Variants in SMOC1 observed in about 807,000 individuals in gnomAD.
SMOC1 encodes SPARC-related modular calcium-binding protein 1.
In SMOC1, 22 loss-of-function variants were observed where a neutral mutation model predicts 56.3. The ratio of observed to expected loss-of-function variants is 0.39; its 90% CI spans 0.28 to 0.56. SMOC1 has a LOEUF of 0.56. Among genes scored for constraint, SMOC1 ranks in the 20% least tolerant of loss-of-function variants. The pLI is 0.61. For missense variants in SMOC1, 509 were observed against 565.4 expected, an observed-to-expected ratio of 0.90 and a Z score of 1.01; for synonymous variants, 193 against 215.0, an observed-to-expected ratio of 0.90 and a Z score of 0.89.
Position 70,030,409 on chromosome 14 carries a change from G to A in SMOC1, c.*151G>A, listed in dbSNP as rs995508330. 22 of 953,786 alleles carry A rather than the reference G, an allele frequency of 2.3e-5. No individual in the cohort carries two copies. Among genetic ancestry groups the A allele is most frequent in the South Asian group, 6.7e-5 (4 of 59,424 alleles). 59.1% of individuals were successfully genotyped at this position (953,786 alleles called of 1,614,324 possible). On this transcript the variant is annotated 3_prime_UTR_variant, in exon 12 of 12. Transcript: ENST00000361956. ...TGCACTTTTAATAACTCTTACTTGC[G>A]TGTTTTGTTTTTGGTTTCATTTTAA...
chr14:69,933,000 G>A (rs1427532587), intron 1 of SMOC1, among the ~76,000 whole-genome samples: 4 of 152,052 alleles, frequency 2.6e-5, no homozygotes, highest in African/African-American at 9.7e-5. Flanking sequence ...ATCCTCAGAG[G>A]CCAGACCACT....
At chr14:70,028,483 G>A (rs891761392) in intron 11 of SMOC1, among the ~76,000 whole-genome samples, 9 of 152,148 alleles carry the variant, frequency 5.9e-5, no homozygotes, top group East Asian at 3.9e-4. Context: ...ATCCTAAGAT[G>A]GAGATAATTT....
chr14:69,956,017 A>G (rs1883171371), intron 3 of SMOC1, among the ~76,000 whole-genome samples: 2 of 152,122 alleles, frequency 1.3e-5, no homozygotes, highest in Non-Finnish European at 2.9e-5. Context: ...AGTGTTGGCT[A>G]CCTCGTGACA....
At chr14:69,908,442 C>T (rs1035656390) in intron 1 of SMOC1, among the ~76,000 whole-genome samples, 9 of 152,104 alleles carry the variant, frequency 5.9e-5, no homozygotes, top group Non-Finnish European at 8.8e-5. Context: ...GTGGCCCTTT[C>T]CTGATGTTTC....
In SMOC1 at chr14:69,941,647, A is replaced by G. The variant is rs568632140; in HGVS notation, c.100-10491A>G. Among the ~76,000 whole-genome samples the G allele has an allele frequency of 5.3e-5, 8 of 152,342 alleles. 1 individual carries two copies. The East Asian group carries it at 7.7e-4, about 15-fold the overall frequency. ...CTTCATTGGCTTTCAGTTTTTTAAC[A>G]AAACAAAACACCAAAGACAGCTGGG... On this transcript the variant is annotated intron_variant, in intron 1 of 11. Transcript: ENST00000361956.
At chr14:69,979,229 G>A (rs186697275) in intron 5 of SMOC1, among the ~76,000 whole-genome samples, 7 of 152,098 alleles carry the variant, frequency 4.6e-5, no homozygotes, top group East Asian at 1.9e-4. Flanking sequence ...AAGAAGAGGC[G>A]AAGTCACCCA....
At chr14:69,920,482 GTT>G (rs759054543) in intron 1 of SMOC1, among the ~76,000 whole-genome samples, 3 of 152,156 alleles carry the variant, frequency 2.0e-5, no homozygotes, top group Admixed American at 6.5e-5. Flanking sequence ...ATCTCAACAG[GTT>G]CCTGTCATAT....
In SMOC1 at chr14:70,030,288, G is replaced by A; in HGVS notation, c.*30G>A. 1.2e-6 allele frequency: 2 copies of A among 1,613,006 alleles called. No individual in the cohort carries two copies. The highest frequency in any genetic ancestry group is 1.7e-6 in the Non-Finnish European group (2 of 1,179,836). On this transcript the variant is annotated 3_prime_UTR_variant, in exon 12 of 12. Coordinates refer to ENST00000361956, the MANE Select transcript of SMOC1 (RefSeq NM_001034852.3). ...CAGAAAACCCAAGGGCAGGTGGAGA[G>A]TCCAGGGAGGCAGGATGGATCACCA...
intron 1 of SMOC1, among the ~76,000 whole-genome samples, chr14:69,946,631 C>T (rs1029002746): frequency 8.5e-5 from 13 of 152,204 alleles, no homozygotes; most frequent in Admixed American, 7.9e-4. Context: ...TGCCCAATCC[C>T]CCAAATTTCC....
At chr14:69,890,052 T>A (rs1042815291) in intron 1 of SMOC1, among the ~76,000 whole-genome samples, 1 of 152,220 alleles carries the variant, frequency 6.6e-6, no homozygotes, top group Admixed American at 6.5e-5. Flanking sequence ...CACATGGACA[T>A]CTTTGTGGGG....
intron 1 of SMOC1, among the ~76,000 whole-genome samples, chr14:69,911,889 A>T (rs1884564669): frequency 6.6e-6 from 1 of 152,202 alleles, no homozygotes; most frequent in Admixed American, 6.5e-5. Context: ...TTGCTGGGTC[A>T]TATGGTAAAT....
chr14:69,996,210 A>G (rs1394665761), intron 7 of SMOC1, among the ~76,000 whole-genome samples: 1 of 152,188 alleles, frequency 6.6e-6, no homozygotes, highest in East Asian at 1.9e-4. Context: ...AGAAAAGATC[A>G]TCATCATCAT....
intron 1 of SMOC1, among the ~76,000 whole-genome samples, chr14:69,923,250 C>T (rs536494019): frequency 6.6e-6 from 1 of 152,290 alleles, no homozygotes; most frequent in Non-Finnish European, 1.5e-5. Flanking sequence ...CGGCTCAGCC[C>T]TCTTTACTGT....
At chr14:69,975,089 A>C (rs1883900463) in intron 3 of SMOC1, among the ~76,000 whole-genome samples, 1 of 152,162 alleles carries the variant, frequency 6.6e-6, no homozygotes, top group Non-Finnish European at 1.5e-5. Flanking sequence ...CACGCCTGTA[A>C]TCCCAGTACT....
intron 7 of SMOC1, among the ~76,000 whole-genome samples, chr14:70,001,076 G>A (rs961616736): frequency 2.0e-5 from 3 of 152,274 alleles, no homozygotes; most frequent in Admixed American, 1.3e-4. Flanking sequence ...CCTTAACCCA[G>A]CCCCTTCCTG....
At chr14:69,985,448 A>G (rs1043297439) in intron 5 of SMOC1, among the ~76,000 whole-genome samples, 2 of 152,194 alleles carry the variant, frequency 1.3e-5, no homozygotes, top group Non-Finnish European at 2.9e-5. Context: ...AAACCTGTAC[A>G]CGAACAAGAA....
intron 10 of SMOC1, among the ~76,000 whole-genome samples, chr14:70,021,647 C>T (rs1245812812): frequency 6.6e-6 from 1 of 152,170 alleles, no homozygotes; most frequent in Non-Finnish European, 1.5e-5. Context: ...GCCCGGATTA[C>T]CTGCTCAAGA....
chr14:69,879,821 A>G (rs1349108510), intron 1 of SMOC1, 44 bp downstream of exon 1: 3 of 1,503,678 alleles, frequency 2.0e-6, no homozygotes, highest in Non-Finnish European at 2.7e-6. Context: ...GAGGGAGGGG[A>G]GGTTGCTTCC....
intron 1 of SMOC1, among the ~76,000 whole-genome samples, chr14:69,935,978 G>A (rs1180027784): frequency 1.3e-5 from 2 of 152,210 alleles, no homozygotes; most frequent in Non-Finnish European, 2.9e-5. Flanking sequence ...GCAAGGAAAC[G>A]AATGCCAGGG....
Sources: gnomAD v4.1 joint callset for allele counts (sites outside exome capture counted in the v4.1 genomes callset) on GRCh38, gnomAD v4.1.1 for gene constraint, MANE v1.5 for transcripts, NCBI Gene and HGNC (gene_info 2026-07-23, HGNC 2026-07-21) for gene names.